SORCS2: variants seen among roughly 807,000 people sequenced by gnomAD.
SORCS2 encodes sortilin related VPS10 domain containing receptor 2, also known as VPS10 domain-containing receptor SorCS2.
A neutral mutation model predicts 141.6 loss-of-function variants in SORCS2; 100 were observed. That is an observed-to-expected ratio of 0.71 (90% CI 0.60 to 0.83). SORCS2 has a LOEUF of 0.83. Ranked by LOEUF, SORCS2 falls within the 40% of genes least tolerant of loss-of-function variation. The pLI, the probability that SORCS2 is intolerant of heterozygous loss-of-function variation, is 0.00. For missense variants in SORCS2, 1,646 were observed against 1,560.2 expected (o/e 1.05, Z -0.93); for synonymous variants, 789 against 676.9 (o/e 1.17, Z -2.57).
intron 2 of SORCS2, among the ~76,000 whole-genome samples, chr4:7,439,354 T>C (rs553087921): frequency 1.3e-5 from 2 of 152,286 alleles, no homozygotes; most frequent in Admixed American, 6.5e-5. Context: ...TACCCCTTAC[T>C]GAACCCTAGA....
At chr4:7,724,953 T>G (rs201080026) in intron 19 of SORCS2, among the ~76,000 whole-genome samples, 1,216 of 45,778 alleles carry the variant, frequency 0.027, 3 homozygotes, top group African/African-American at 0.062. Context: ...GGTGGTGGTG[T>G]TGGTGATGGT....
chr4:7,706,028 TCTGGGCAGGGATGAGGCTGGGCTCCGC>T (rs1351144066), intron 14 of SORCS2, among the ~76,000 whole-genome samples: 21 of 112,374 alleles, frequency 1.9e-4, no homozygotes, highest in African/African-American at 4.7e-4. Context: ...CTGGGCTCTG[TCTGGGCAGGGATGAGGCTGGGCTCCGC>T]CTGGGCAGGG....
At chr4:7,468,365 C>T (rs1729748513) in intron 2 of SORCS2, among the ~76,000 whole-genome samples, 1 of 152,242 alleles carries the variant, frequency 6.6e-6, no homozygotes, top group African/African-American at 2.4e-5. Context: ...TCCCATCCCC[C>T]TCACGCTATG....
At chr4:7,576,641 C>G (rs1715769811) in intron 3 of SORCS2, among the ~76,000 whole-genome samples, 1 of 152,114 alleles carries the variant, frequency 6.6e-6, no homozygotes, top group South Asian at 2.1e-4. Flanking sequence ...GACAGAGGGA[C>G]ACATGTGGAA....
At chr4:7,252,635 G>C (rs551905857) in intron 1 of SORCS2, among the ~76,000 whole-genome samples, 15 of 152,076 alleles carry the variant, frequency 9.9e-5, no homozygotes, top group Non-Finnish European at 2.2e-4. Context: ...CAAGCCCTGA[G>C]TGACCGTGCA....
At chr4:7,483,949 C>T (rs548231461) in intron 2 of SORCS2, among the ~76,000 whole-genome samples, 8 of 152,272 alleles carry the variant, frequency 5.3e-5, no homozygotes, top group African/African-American at 9.6e-5. Context: ...AAAACAAAAA[C>T]GAGTCTTTCA....
At chr4:7,599,447 G>A (rs184573569) in intron 3 of SORCS2, among the ~76,000 whole-genome samples, 108 of 152,352 alleles carry the variant, frequency 7.1e-4, no homozygotes, top group African/African-American at 2.1e-3. Context: ...AGGTTTAGGA[G>A]GTGGTGCTGT....
chr4:7,691,057 C>T (rs1724213165), intron 11 of SORCS2, among the ~76,000 whole-genome samples: 1 of 152,210 alleles, frequency 6.6e-6, no homozygotes, highest in Non-Finnish European at 1.5e-5. Flanking sequence ...CAGGCAGCAT[C>T]TCCTGCAGAC....
chr4:7,726,863 G>A lies in SORCS2; in HGVS notation c.2829G>A (p.Gly943=), dbSNP rs1560116712. 1 of 1,613,830 alleles carries A rather than the reference G, an allele frequency of 6.2e-7. No individual in the cohort carries two copies. Among genetic ancestry groups the A allele is most frequent in the Non-Finnish European group, 8.5e-7 (1 of 1,179,826 alleles). Residue 943 remains glycine, a synonymous_variant, in exon 21 of 27, where the codon GGG becomes GGA. Coordinates refer to ENST00000507866, the MANE Select transcript of SORCS2 (RefSeq NM_020777.3). ...DVRVTVQAAC[G]NSVLQDSRVL... ...GTGTGACGGTGCAGGCCGCCTGTGG[G>A]AACTCGGTGCTGCAGGACTCCAGGG...
chr4:7,441,248 T>C (rs1727644195), intron 2 of SORCS2, among the ~76,000 whole-genome samples: 1 of 152,128 alleles, frequency 6.6e-6, no homozygotes, highest in Admixed American at 6.5e-5. Flanking sequence ...ATTTCCCAAA[T>C]ACTGCCTTTG....
At chr4:7,511,100 G>C (rs972411414) in intron 2 of SORCS2, among the ~76,000 whole-genome samples, 4 of 152,114 alleles carry the variant, frequency 2.6e-5, no homozygotes, top group Non-Finnish European at 5.9e-5. Context: ...GGAGAGAATG[G>C]CTCACACAGA....
At chr4:7,202,617 T>C (rs1196401760) in intron 1 of SORCS2, among the ~76,000 whole-genome samples, 1 of 152,210 alleles carries the variant, frequency 6.6e-6, no homozygotes, top group Non-Finnish European at 1.5e-5. Context: ...CAAGTCACCA[T>C]TTCCTGACGC....
chr4:7,641,266 G>A (rs113137081), intron 4 of SORCS2, among the ~76,000 whole-genome samples: 3,210 of 152,262 alleles, frequency 0.021, 118 homozygotes, highest in African/African-American at 0.073. Flanking sequence ...CACATGGGTG[G>A]GGAGGCCTCA....
intron 2 of SORCS2, among the ~76,000 whole-genome samples, chr4:7,506,419 C>T (rs926507824): frequency 7.2e-5 from 11 of 152,180 alleles, no homozygotes; most frequent in Non-Finnish European, 1.5e-4. Flanking sequence ...TAGAAGTTGC[C>T]AGCAGCTGCA....
chr4:7,674,136 C>T (rs929102583), intron 8 of SORCS2, among the ~76,000 whole-genome samples: 2 of 152,126 alleles, frequency 1.3e-5, no homozygotes, highest in East Asian at 3.9e-4. Context: ...GACGGCCAGG[C>T]TCTGGCACCC....
At chr4:7,481,374 C>T (rs1730625120) in intron 2 of SORCS2, among the ~76,000 whole-genome samples, 1 of 152,206 alleles carries the variant, frequency 6.6e-6, no homozygotes, top group Non-Finnish European at 1.5e-5. Context: ...GCTCGGTCAG[C>T]AGGGAAGGAA....
At chr4:7,358,542 A>G (rs1721396137) in intron 1 of SORCS2, among the ~76,000 whole-genome samples, 1 of 152,206 alleles carries the variant, frequency 6.6e-6, no homozygotes, top group African/African-American at 2.4e-5. Context: ...CCCGTCCCAG[A>G]TGGTGACTCA....
chr4:7,729,479 A>T (rs1057175185), intron 22 of SORCS2, 108 bp from the exon 23 acceptor site: 87 of 1,391,048 alleles, frequency 6.3e-5, no homozygotes, highest in Middle Eastern at 2.6e-4. Flanking sequence ...ACGGCCTGTG[A>T]GACAGGTGTA....
chr4:7,695,314 G>GGATT (rs1560489478), intron 11 of SORCS2, among the ~76,000 whole-genome samples: 1 of 52,076 alleles, frequency 1.9e-5, no homozygotes, highest in Non-Finnish European at 3.8e-5. Context: ...GTGAATGGGT[G>GGATT]GGTGGGTGGA....
Sources: allele counts gnomAD v4.1 joint callset (sites outside exome capture counted in the v4.1 genomes callset), GRCh38; gene constraint gnomAD v4.1.1; transcripts MANE v1.5; gene names NCBI Gene and HGNC (gene_info 2026-07-23, HGNC 2026-07-21).